SALL2: variants seen among roughly 807,000 people sequenced by gnomAD.
The protein encoded by SALL2 is sal-like protein 2.
In SALL2, 32 loss-of-function variants were observed where a neutral mutation model predicts 58.5. The ratio of observed to expected loss-of-function variants is 0.55; its 90% CI spans 0.41 to 0.74. The LOEUF (loss-of-function observed/expected upper bound fraction) is 0.74. Among genes scored for constraint, SALL2 ranks in the 30% least tolerant of loss-of-function variants. The pLI, the probability that SALL2 is intolerant of heterozygous loss-of-function variation, is 0.00. For synonymous variants in SALL2, 516 were observed against 513.6 expected (o/e 1.00, Z -0.06); for missense variants, 1,201 against 1,268.9 (o/e 0.95, Z 0.81).
chr14:21,534,101 G>A (rs1274080329), intron 1 of SALL2, among the ~76,000 whole-genome samples: 2 of 152,132 alleles, frequency 1.3e-5, no homozygotes, highest in African/African-American at 2.4e-5. Flanking sequence ...TTTGCAGAAT[G>A]GATGCTGCCC....
Position 21,524,085 on chromosome 14 carries a change from A to ATGCGAGTTGCCG in SALL2, c.1625_1636dup (p.Thr542_Arg545dup). ...TGAAGTCACCAACTTACTTAGTTGC[A>ATGCGAGTTGCCG]TGCGAGTTGCCGTGCTACTTTCTGC... On this transcript the variant is annotated inframe_insertion, in exon 2 of 2. Coordinates refer to ENST00000537235, the MANE Select transcript of SALL2 (RefSeq NM_001364564.1). 2 of 1,614,138 alleles carry ATGCGAGTTGCCG rather than the reference A, an allele frequency of 1.2e-6. No homozygotes were observed. The highest frequency in any genetic ancestry group is 2.7e-5 in the African/African-American group (2 of 75,050).
At position 21,522,064 on chromosome 14, in the gene SALL2, A is replaced by G; in HGVS notation, c.*640T>C. The G allele has an allele frequency of 6.3e-7, 1 of 1,597,458 alleles. No individual in the cohort carries two copies. The highest frequency in any genetic ancestry group is 1.1e-5 in the South Asian group (1 of 90,760). On this transcript the variant is annotated 3_prime_UTR_variant, in exon 2 of 2. Transcript: ENST00000537235. The stretch of plus-strand genomic sequence containing the variant: ...ACTGCCTTGGGTGCAGGAGGCTGAA[A>G]TAGGAGGGGGGCTGTCTTCTCCTTG...
chr14:21,525,659 G>A lies in SALL2; in HGVS notation c.68-5C>T, dbSNP rs368849512. The A allele has an allele frequency of 1.3e-6, 2 of 1,561,762 alleles. No homozygotes were observed. Among genetic ancestry groups the A allele is most frequent in the African/African-American group, 2.7e-5 (2 of 73,874 alleles). ...GATCCTCCTCGCTAGCATCACCTGG[G>A]GAGAAGACAAGGAGAGAGAGCGTGG... On this transcript the variant is annotated splice_region_variant and splice_polypyrimidine_tract_variant and intron_variant, in intron 1 of 1. Transcript: ENST00000537235. This position sits in a 1 kb window ranked among gnomAD's most constrained non-coding sequence, Gnocchi z 4.4.
chr14:21,523,380 A>G lies in SALL2; in HGVS notation c.2342T>C (p.Leu781Pro), dbSNP rs764097323. The G allele has an allele frequency of 1.2e-6, 2 of 1,613,634 alleles. No homozygotes were observed. The highest frequency in any genetic ancestry group is 1.7e-5 in the Admixed American group (1 of 60,020). Residue 781 changes from leucine (L) to proline (P), a missense_variant, in exon 2 of 2, where the codon CTG becomes CCG. By Grantham distance (98) the Leu-to-Pro change is moderately conservative (BLOSUM62 -3). Transcript: ENST00000537235. This position sits in a 1 kb window ranked among gnomAD's most constrained non-coding sequence, Gnocchi z 4.4. ...TCCACTCTCTGAGCCTCTCCCTGCC[A>G]GGGAATCTTCATCAGTCACATCTTC... ...EEEDVTDEDSLAGRGSESGGE... is the reference protein window; with the variant it reads ...EEEDVTDEDSPAGRGSESGGE...
At chr14:21,530,281 CTTTTTTTTTT>C (rs34598628), upstream of SALL2, among the ~76,000 whole-genome samples, 576 of 64,918 alleles carry the variant, frequency 8.9e-3, 3 homozygotes, top group African/African-American at 0.039. Context: ...TTTTTTCTTT[CTTTTTTTTTT>C]TTTTTTTTTT....
rs1892166372 is a variant in SALL2 at position 21,523,995 on chromosome 14, A to C, written c.1727T>G (p.Val576Gly). The C allele has an allele frequency of 6.2e-7, 1 of 1,614,112 alleles. No homozygotes were observed. Among genetic ancestry groups the C allele is most frequent in the Admixed American group, 1.7e-5 (1 of 60,006 alleles). ...GGGTGAGGCCCCCAAGGGCTCTAGC[A>C]CATAGGGGAAGGGGAAGCTGCCAGT... is the stretch of plus-strand genomic sequence containing the variant. The part of the protein sequence containing the change: ...KSTGSFPFPY[V>G]LEPLGASPSE... Residue 576 changes from valine to glycine, a missense_variant, in exon 2 of 2, where the codon GTG becomes GGG. Coordinates refer to ENST00000537235, the MANE Select transcript of SALL2 (RefSeq NM_001364564.1). The surrounding 1 kb of genome is among the most constrained non-coding windows in gnomAD (Gnocchi z 4.4).
exon 1 of SALL2, chr14:21,537,006 C>T (rs1892615528): frequency 8.5e-7 from 1 of 1,177,468 alleles, no homozygotes. Flanking sequence ...CCCTTGGGTC[C>T]GAAGCCAATT....
chr14:21,531,468 A>G (rs6571872), intron 1 of SALL2, among the ~76,000 whole-genome samples: 53,578 of 149,530 alleles, frequency 0.36, 9,728 homozygotes, highest in Middle Eastern at 0.5. Flanking sequence ...GTGCAATGGC[A>G]CGATCTTAGC....
At position 21,523,030 on chromosome 14, in the gene SALL2, T is replaced by G; in HGVS notation, c.2692A>C (p.Met898Leu). The change falls in exon 2 of 2, where the codon ATG becomes CTG. Residue 898 changes from methionine to leucine, a missense_variant. Physicochemically the swap from Met to Leu is conservative, Grantham distance 15. This residue lies in a region of SALL2 where 675 missense variants were observed against 683.8 expected (regional missense o/e 0.99). Coordinates refer to ENST00000537235, the MANE Select transcript of SALL2 (RefSeq NM_001364564.1). This position sits in a 1 kb window ranked among gnomAD's most constrained non-coding sequence, Gnocchi z 4.4. Reference sequence around the variant, plus strand: ...CTGCTCTCTCCTGGCTCCTTTCTCATTGCCTCCTGCAGGCTCAGCTCCTCT... The same window carrying G: ...CTGCTCTCTCCTGGCTCCTTTCTCAGTGCCTCCTGCAGGCTCAGCTCCTCT... ...LVEELSLQEAMRKEPGESSSR... is the reference protein window; with the variant it reads ...LVEELSLQEALRKEPGESSSR... The G allele has an allele frequency of 6.2e-7, 1 of 1,614,144 alleles. No homozygotes were observed. Among genetic ancestry groups the G allele is most frequent in the South Asian group, 1.1e-5 (1 of 91,086 alleles).
At position 21,522,831 on chromosome 14, in the gene SALL2, A is replaced by T; in HGVS notation, c.2891T>A (p.Val964Glu). ...AGGGCCATGGGGGGCAAAGGGCTGT[A>T]CCTGGTGGTGTGCCAGGAGCATATG... ...KKHMLLAHHQ[V>E]QPFAPHGPQN... Residue 964 changes from valine (V) to glutamate (E), a missense_variant, in exon 2 of 2, where the codon GTA becomes GAA. By Grantham distance (121) the Val-to-Glu change is moderately radical. This residue lies in a region of SALL2 where 675 missense variants were observed against 683.8 expected (regional missense o/e 0.99). Transcript: ENST00000537235. The T allele has an allele frequency of 6.2e-7, 1 of 1,610,454 alleles. No homozygotes were observed. The highest frequency in any genetic ancestry group is 8.5e-7 in the Non-Finnish European group (1 of 1,178,490).
chr14:21,532,733 G>A (rs1269873553), intron 1 of SALL2, among the ~76,000 whole-genome samples: 2 of 152,160 alleles, frequency 1.3e-5, no homozygotes, highest in African/African-American at 4.8e-5. Context: ...GGAGGCCAAA[G>A]TGGGCGGATC....
Position 21,525,707 on chromosome 14 carries a change from AC to A in SALL2, c.68-54del, listed in dbSNP as rs1892276313. On this transcript the variant is annotated intron_variant, in intron 1 of 1. Transcript: ENST00000537235. The surrounding 1 kb of genome is among the most constrained non-coding windows in gnomAD (Gnocchi z 4.4). ...TGGGTGGCGCAGTTGGGTTGGGTAT[AC>A]CGAGGCTCTAATTAACAAGGAGGCC... 1 of 1,516,606 alleles carries A rather than the reference AC, an allele frequency of 6.6e-7. No individual in the cohort carries two copies. Among genetic ancestry groups the A allele is most frequent in the East Asian group, 2.3e-5 (1 of 43,842 alleles). 93.9% of individuals were successfully genotyped at this position (1,516,606 alleles called of 1,614,324 possible).
exon 1 of SALL2, chr14:21,536,976 G>A: frequency 1.3e-6 from 2 of 1,527,774 alleles, no homozygotes; most frequent in South Asian, 1.1e-5. Flanking sequence ...TCTTAACCGG[G>A]GTGACCTGGT....
Position 21,522,914 on chromosome 14 carries a change from C to G in SALL2, c.2808G>C (p.Pro936=). The G allele has an allele frequency of 6.2e-7, 1 of 1,613,352 alleles. No homozygotes were observed. The highest frequency in any genetic ancestry group is 2.2e-5 in the East Asian group (1 of 44,878). Residue 936 remains proline (P), a synonymous_variant, in exon 2 of 2, where the codon CCG becomes CCC. Transcript: ENST00000537235. ...EHQKTHPKEG[P]LFTCVFCRQG... is the part of the protein sequence containing the mutation. The stretch of plus-strand genomic sequence containing the variant: ...GCCTGCAGAAAACACAAGTGAAGAG[C>G]GGCCCCTCCTTGGGGTGGGTCTTCT...
At chr14:21,530,281 C>CTTTTTTTTTTTTTTTTTTTTT (rs34598628), upstream of SALL2, among the ~76,000 whole-genome samples, 99 of 64,810 alleles carry the variant, frequency 1.5e-3, no homozygotes, top group Non-Finnish European at 1.9e-3. Flanking sequence ...TTTTTTCTTT[C>CTTTTTTTTTTTTTTTTTTTTT]TTTTTTTTTT....
At chr14:21,526,650 GC>G (rs1024328094), upstream of SALL2, 38 of 284,322 alleles carry the variant, frequency 1.3e-4, 1 homozygote, top group Non-Finnish European at 4.9e-5. Context: ...GTGGAGCAAG[GC>G]GATAGGCTTC....
rs370555149 is a variant in SALL2 at position 21,525,706 on chromosome 14, T to C, written c.68-52A>G. Reference sequence around the variant, plus strand: ...GTGGGTGGCGCAGTTGGGTTGGGTATACCGAGGCTCTAATTAACAAGGAGG... The same window carrying C: ...GTGGGTGGCGCAGTTGGGTTGGGTACACCGAGGCTCTAATTAACAAGGAGG... On this transcript the variant is annotated intron_variant, in intron 1 of 1. Coordinates refer to ENST00000537235, the MANE Select transcript of SALL2 (RefSeq NM_001364564.1). This position sits in a 1 kb window ranked among gnomAD's most constrained non-coding sequence, Gnocchi z 4.4. The C allele has an allele frequency of 4.6e-3, 7,018 of 1,518,824 alleles. 24 individuals are homozygous for C. The highest frequency in any genetic ancestry group is 5.3e-3 in the Non-Finnish European group (5,998 of 1,134,218). 94.1% of individuals were successfully genotyped at this position (1,518,824 alleles called of 1,614,324 possible). A position where few individuals can be genotyped will look rare whatever the true frequency, so the allele number is the denominator to read the frequency against.
chr14:21,536,248 C>T (rs1892593442), intron 1 of SALL2, among the ~76,000 whole-genome samples: 1 of 152,174 alleles, frequency 6.6e-6, no homozygotes, highest in Non-Finnish European at 1.5e-5. Flanking sequence ...TTCCTTGAAG[C>T]ACAAACCTAA....
rs1377465922 is a variant in SALL2, at chr14:21,523,493, T to G, written c.2229A>C (p.Ala743=). 1 of 1,614,196 alleles carries G rather than the reference T, an allele frequency of 6.2e-7. No individual in the cohort carries two copies. Among genetic ancestry groups the G allele is most frequent in the South Asian group, 1.1e-5 (1 of 91,084 alleles). ...NGSEQSTVSG[A]RSFPQQQSQQ... is the part of the protein sequence containing the mutation. ...GGGACTGCTGCTGGGGGAAACTCCGTGCCCCGGAGACTGTAGATTGCTCGG... is the reference window on the plus strand; with the variant it reads ...GGGACTGCTGCTGGGGGAAACTCCGGGCCCCGGAGACTGTAGATTGCTCGG... The change falls in exon 2 of 2, where the codon GCA becomes GCC. Residue 743 remains alanine (A), a synonymous_variant. Coordinates refer to ENST00000537235, the MANE Select transcript of SALL2 (RefSeq NM_001364564.1). This position sits in a 1 kb window ranked among gnomAD's most constrained non-coding sequence, Gnocchi z 4.4.
Sources: gnomAD v4.1 joint callset for allele counts (sites outside exome capture counted in the v4.1 genomes callset) on GRCh38, gnomAD v4.1.1 for gene constraint, gnomAD v4.1.1 regional missense constraint, Gnocchi (gnomAD v3.1) non-coding constraint, MANE v1.5 for transcripts, NCBI Gene and HGNC (gene_info 2026-07-23, HGNC 2026-07-21) for gene names.